Variants in ANKRD1 observed in about 807,000 individuals in gnomAD.
ANKRD1 encodes ankyrin repeat domain 1.
ANKRD1 carries 32 observed loss-of-function variants against 40.1 expected under a neutral mutation model. The ratio of observed to expected loss-of-function variants is 0.80; its 90% CI spans 0.60 to 1.07. The LOEUF is 1.07. ANKRD1 is among the 50% of genes least tolerant of loss of function. The pLI, the probability that ANKRD1 is intolerant of heterozygous loss-of-function variation, is 0.00. For synonymous variants in ANKRD1, 149 were observed against 141.2 expected, an observed-to-expected ratio of 1.06 and a Z score of -0.39; for missense variants, 359 against 386.0, an observed-to-expected ratio of 0.93 and a Z score of 0.59.
chr10:90,916,064 G>T, intron 6 of ANKRD1, 107 bp downstream of exon 6: 1 of 600,404 alleles, frequency 1.7e-6, no homozygotes, highest in Admixed American at 2.4e-5. Flanking sequence ...GGAAGGGCGG[G>T]TGGGGGAGAA....
rs727502891 is a variant in ANKRD1 at position 90,920,236 on chromosome 10, G to A, written c.140C>T (p.Thr47Ile). The change falls in exon 2 of 9, where the codon ACA becomes ATA. Residue 47 changes from threonine to isoleucine, a missense_variant. By Grantham distance (89) the Thr-to-Ile change is moderately conservative. Transcript: ENST00000371697. The stretch of plus-strand genomic sequence containing the variant: ...CAGGGTCACAGGGTGGGCTAGAAGT[G>A]TCTTCAGATCCTCCTGCTTCTCTAA... The part of the protein sequence containing the change: ...VTLEKQEDLK[T>I]LLAHPVTLGE... The A allele has an allele frequency of 3.1e-6, 5 of 1,614,088 alleles. No individual in the cohort carries two copies. The highest frequency in any genetic ancestry group is 4.2e-6 in the Non-Finnish European group (5 of 1,180,008).
At chr10:90,920,493 T>G in intron 1 of ANKRD1, 145 bp from the exon 2 acceptor site, 1 of 832,492 alleles carries the variant, frequency 1.2e-6, no homozygotes, top group Non-Finnish European at 2.0e-6. Flanking sequence ...CAAGCTGCGA[T>G]GCACACTGCT....
At chr10:90,916,892 G>A (rs1169657077) in intron 5 of ANKRD1, among the ~76,000 whole-genome samples, 3 of 152,184 alleles carry the variant, frequency 2.0e-5, no homozygotes, top group Non-Finnish European at 4.4e-5. Flanking sequence ...TGCTAGCACA[G>A]CCTCTGTACC....
At chr10:90,920,964 C>A (rs754063667) in intron 1 of ANKRD1, 37 bp downstream of exon 1, 19 of 1,599,636 alleles carry the variant, frequency 1.2e-5, no homozygotes, top group Non-Finnish European at 1.5e-5. Context: ...CAAGATGAAC[C>A]AGTTTTCATT....
chr10:90,912,910 G>A lies in ANKRD1; in HGVS notation c.916C>T (p.Leu306Phe), dbSNP rs1847332132. The change falls in exon 9 of 9, where the codon CTC becomes TTC. Residue 306 changes from leucine (L) to phenylalanine (F), a missense_variant. Transcript: ENST00000371697. ...GAGGTCTTGTAGGAGTTCTCTCTGA[G>A]GCTGTCGAATATTGCTTTGGTTCCA... ...QNGTKAIFDS[L>F]RENSYKTSRI... 6.2e-7 allele frequency: 1 copy of A among 1,614,074 alleles called. No individual in the cohort carries two copies. The highest frequency in any genetic ancestry group is 1.3e-5 in the African/African-American group (1 of 75,038).
Position 90,913,319 on chromosome 10 carries a change from G to A in ANKRD1, c.850-343C>T, listed in dbSNP as rs531581087. Among the ~76,000 whole-genome samples the A allele has an allele frequency of 2.1e-3, 322 of 152,294 alleles. 1 individual carries two copies. The highest frequency in any genetic ancestry group is 0.01 in the Middle Eastern group (3 of 294). ...CCAGTATCCTGTGGAATGGACTCCC[G>A]GAGGTGGGAGCATGCCTCTTGGACC... On this transcript the variant is annotated intron_variant, in intron 8 of 8. Coordinates refer to ENST00000371697, the MANE Select transcript of ANKRD1 (RefSeq NM_014391.3).
chr10:90,920,908 G>T, intron 1 of ANKRD1, 93 bp downstream of exon 1: 1 of 1,222,782 alleles, frequency 8.2e-7, no homozygotes, highest in Non-Finnish European at 1.2e-6. Context: ...GAGTTCCCTT[G>T]CATTACACCT....
chr10:90,920,394 T>C (rs1175683608), intron 1 of ANKRD1, 46 bp from the exon 2 acceptor site: 2 of 1,608,964 alleles, frequency 1.2e-6, no homozygotes, highest in African/African-American at 2.7e-5. Context: ...AGCCTCGTCC[T>C]GGGTCATTCT....
chr10:90,916,134 AG>A lies in ANKRD1; in HGVS notation c.651+36del, dbSNP rs781678671. On this transcript the variant is annotated intron_variant, in intron 6 of 8. Transcript: ENST00000371697. ...AGAAGGATGGGGGACAGGGAGGGGG[AG>A]GGGGTGAATGAAGGGAGAAGGAGAA... 6.2e-5 allele frequency: 58 copies of A among 937,222 alleles called. No individual in the cohort carries two copies. The East Asian group carries it at 1.6e-3, about 25-fold the overall frequency. The allele number at this position is 937,222 out of a possible 1,614,324, so 58.1% of individuals were successfully genotyped here. A position where few individuals can be genotyped will look rare whatever the true frequency, so the allele number is the denominator to read the frequency against.
In ANKRD1 at chr10:90,912,660, T is replaced by G; in HGVS notation, c.*206A>C. On this transcript the variant is annotated 3_prime_UTR_variant, in exon 9 of 9. Coordinates refer to ENST00000371697, the MANE Select transcript of ANKRD1 (RefSeq NM_014391.3). Reference sequence around the variant, plus strand: ...TATCAGTAGCGTGGCAGTAAATAAATAAACAGGAATACATAAAAATAAATA... The same window carrying G: ...TATCAGTAGCGTGGCAGTAAATAAAGAAACAGGAATACATAAAAATAAATA... 1.9e-6 allele frequency: 1 copy of G among 524,294 alleles called. No individual in the cohort carries two copies. The highest frequency in any genetic ancestry group is 3.4e-6 in the Non-Finnish European group (1 of 290,752). 32.5% of individuals were successfully genotyped at this position (524,294 alleles called of 1,614,324 possible).
At position 90,920,322 on chromosome 10, in the gene ANKRD1, C is replaced by T. The variant is rs763573338; in HGVS notation, c.54G>A (p.Gly18=). The change falls in exon 2 of 9, where the codon GGG becomes GGA. Residue 18 remains glycine, a synonymous_variant. Transcript: ENST00000371697. ...CCTCAGGAAGGAATTCCCCTGCCTC[C>T]CCATTGCCATTCTTCTTTCCAGTGA... ...ELVTGKKNGN[G]EAGEFLPEDF... is the part of the protein sequence containing the mutation. 5.6e-6 allele frequency: 9 copies of T among 1,614,160 alleles called. No individual in the cohort carries two copies. Among genetic ancestry groups the T allele is most frequent in the Non-Finnish European group, 7.6e-6 (9 of 1,180,020 alleles).
rs1363294958 is a variant in ANKRD1 at position 90,921,084 on chromosome 10, C to A, written c.-57G>T. 9 of 1,561,100 alleles carry A rather than the reference C, an allele frequency of 5.8e-6. No individual in the cohort carries two copies. In the East Asian group the frequency reaches 1.3e-4, roughly 23 times the overall value. On this transcript the variant is annotated 5_prime_UTR_variant, in exon 1 of 9. Coordinates refer to ENST00000371697, the MANE Select transcript of ANKRD1 (RefSeq NM_014391.3). Reference sequence around the variant, plus strand: ...TCGTGGAAGGAATCCCTGGAGTTGGCCCTGCTGGGCCCCTCCACACCGGTC... The same window carrying A: ...TCGTGGAAGGAATCCCTGGAGTTGGACCTGCTGGGCCCCTCCACACCGGTC...
intron 6 of ANKRD1, 98 bp from the exon 7 acceptor site, chr10:90,915,978 T>G: frequency 1.6e-6 from 2 of 1,223,900 alleles, no homozygotes; most frequent in Non-Finnish European, 2.3e-6. Context: ...GTCACTAGGG[T>G]GCCTGCACAC....
In ANKRD1 at chr10:90,913,235, CTA is replaced by C. The variant is rs1283854707; in HGVS notation, c.850-261_850-260del. Reference sequence around the variant, plus strand: ...TGGTAAAATCCCTTGTCCCTAGACACTATGTGTCAAGAGCACCTCAAGTCATT... The same window carrying C: ...TGGTAAAATCCCTTGTCCCTAGACACTGTGTCAAGAGCACCTCAAGTCATT... On this transcript the variant is annotated intron_variant, in intron 8 of 8. Coordinates refer to ENST00000371697, the MANE Select transcript of ANKRD1 (RefSeq NM_014391.3). 2.0e-5 allele frequency among the ~76,000 whole-genome samples: 3 copies of C among 152,186 alleles called. No individual in the cohort carries two copies. In the East Asian group the frequency reaches 5.8e-4, roughly 29 times the overall value.
intron 8 of ANKRD1, among the ~76,000 whole-genome samples, chr10:90,913,762 T>C (rs1847341423): frequency 6.6e-6 from 1 of 152,184 alleles, no homozygotes; most frequent in South Asian, 2.1e-4. Context: ...TAGAGACCTG[T>C]TTTGTTTTGA....
Position 90,917,848 on chromosome 10 carries a change from T to G in ANKRD1, c.454-18A>C. 1 of 1,591,568 alleles carries G rather than the reference T, an allele frequency of 6.3e-7. No individual in the cohort carries two copies. The highest frequency in any genetic ancestry group is 8.6e-7 in the Non-Finnish European group (1 of 1,159,694). ...CGTTTATACTATCAGAACAGAGATT[T>G]TAAACAGAGATAGCAATAAATATAA... On this transcript the variant is annotated intron_variant, in intron 4 of 8. Transcript: ENST00000371697.
chr10:90,919,452 GA>G (rs1847410948), intron 2 of ANKRD1, among the ~76,000 whole-genome samples, 184 bp from the exon 3 acceptor site: 1 of 152,112 alleles, frequency 6.6e-6, no homozygotes, highest in South Asian at 2.1e-4. Flanking sequence ...ATTTATCTGG[GA>G]GTCTAATTTT....
intron 8 of ANKRD1, among the ~76,000 whole-genome samples, chr10:90,915,195 C>T (rs1006077080): frequency 2.0e-5 from 3 of 152,198 alleles, no homozygotes; most frequent in Non-Finnish European, 2.9e-5. Flanking sequence ...TTCTAACTTC[C>T]TCAGCCCTTG....
rs909875473 is a variant in ANKRD1 at position 90,914,378 on chromosome 10, C to A, written c.849+1165G>T. Among the ~76,000 whole-genome samples the A allele has an allele frequency of 3.3e-5, 5 of 152,158 alleles. No homozygotes were observed. In the East Asian group the frequency reaches 9.6e-4, roughly 29 times the overall value. On this transcript the variant is annotated intron_variant, in intron 8 of 8. Transcript: ENST00000371697. The stretch of plus-strand genomic sequence containing the variant: ...GAAATTTATATTGTGATTTTTCTGG[C>A]TACTTACACAGTCTCCCTAAACCTG...
Sources: gnomAD v4.1 joint callset for allele counts (sites outside exome capture counted in the v4.1 genomes callset) on GRCh38, gnomAD v4.1.1 for gene constraint, MANE v1.5 for transcripts, NCBI Gene and HGNC (gene_info 2026-07-23, HGNC 2026-07-21) for gene names.